Variants in NRK observed in about 807,000 individuals in gnomAD.
NRK encodes Nik related kinase, also known as nik-related protein kinase.
A neutral mutation model predicts 125.2 loss-of-function variants in NRK; 67 were observed. The ratio of observed to expected loss-of-function variants is 0.54; its 90% CI spans 0.44 to 0.66. NRK has a LOEUF of 0.66. Among genes scored for constraint, NRK ranks in the 30% least tolerant of loss-of-function variants. NRK has a pLI of 0.00. For missense variants in NRK, 1,224 were observed against 1,192.9 expected (o/e 1.03, Z -0.38); for synonymous variants, 458 against 429.0 (o/e 1.07, Z -0.84).
intron 1 of NRK, among the ~76,000 whole-genome samples, chrX:105,829,853 T>C (rs2039162779): frequency 9.0e-6 from 1 of 111,469 alleles, no homozygotes; most frequent in Non-Finnish European, 1.9e-5. Flanking sequence ...TTATTCATAT[T>C]TAGTGATGGT....
intron 17 of NRK, 69 bp downstream of exon 17, chrX:105,922,130 C>CTCATATTCA (rs1276424922): frequency 8.1e-6 from 4 of 495,178 alleles, no homozygotes; most frequent in Non-Finnish European, 1.4e-5. Context: ...CTTACACATT[C>CTCATATTCA]TCATATTCAC....
In NRK at chrX:105,913,272, T is replaced by C. The variant is rs1398189818; in HGVS notation, c.2349+517T>C. On this transcript the variant is annotated intron_variant, in intron 14 of 28. Coordinates refer to ENST00000243300, the MANE Select transcript of NRK (RefSeq NM_198465.4). ...GAATAATGTACCAAAACTAGAGAAG[T>C]GGAATCTAAAACCATATCAATGAAA... Among the ~76,000 whole-genome samples, 3 of 112,099 alleles carry C rather than the reference T, an allele frequency of 2.7e-5. 1 individual carries two copies. The highest frequency in any genetic ancestry group is 9.7e-5 in the African/African-American group (3 of 31,015).
intron 1 of NRK, among the ~76,000 whole-genome samples, chrX:105,830,314 C>CAAAAAAAAA (rs71932033): frequency 2.7e-4 from 3 of 11,051 alleles, no homozygotes; most frequent in African/African-American, 9.4e-4. Flanking sequence ...AACTCCGTCG[C>CAAAAAAAAA]AAAAAAAAAA....
At chrX:105,911,744 G>A (rs1239699454) in intron 13 of NRK, among the ~76,000 whole-genome samples, 2 of 111,468 alleles carry the variant, frequency 1.8e-5, no homozygotes, top group Non-Finnish European at 1.9e-5. Context: ...GATTATTCTC[G>A]ATGAACCCTA....
intron 2 of NRK, among the ~76,000 whole-genome samples, chrX:105,862,105 T>C (rs868724346): frequency 9.2e-6 from 1 of 108,567 alleles, no homozygotes; most frequent in Non-Finnish European, 1.9e-5. Context: ...ATCTATCTAT[T>C]TATCTATATC....
At chrX:105,952,912 A>C (rs2040918770) in intron 27 of NRK, 122 bp from the exon 28 acceptor site, 5 of 552,731 alleles carry the variant, frequency 9.0e-6, no homozygotes, top group Non-Finnish European at 1.0e-5. Flanking sequence ...GAAAAACAGG[A>C]TGTGCTAACC....
Position 105,908,796 on chromosome X carries a change from G to T in NRK, c.1155G>T (p.Leu385=), listed in dbSNP as rs1350281214. ...TSSRCRPLRV[L]HGEPSQPRWL... is the part of the protein sequence containing the mutation. ...GCAGATGCAGACCACTTAGAGTCCT[G>T]CATGGGGAACCCTCTCAGCCAAGGT... The change falls in exon 13 of 29, where the codon CTG becomes CTT. Residue 385 remains leucine (L), a synonymous_variant. Transcript: ENST00000243300. The T allele has an allele frequency of 1.7e-6, 2 of 1,209,332 alleles. No homozygotes were observed. Among genetic ancestry groups the T allele is most frequent in the African/African-American group, 3.5e-5 (2 of 57,151 alleles).
intron 9 of NRK, among the ~76,000 whole-genome samples, chrX:105,903,653 A>G (rs1688610157): frequency 9.0e-6 from 1 of 111,539 alleles, no homozygotes; most frequent in Admixed American, 9.6e-5. Flanking sequence ...ATAGGAAACC[A>G]TAAACAGCTA....
At chrX:105,948,737 C>T in intron 26 of NRK, 1 of 495,027 alleles carries the variant, frequency 2.0e-6, no homozygotes, top group Non-Finnish European at 3.6e-6. Flanking sequence ...CCTCAAGCAC[C>T]TGGCCTGAGT....
At chrX:105,951,302 A>G (rs1302320458) in intron 27 of NRK, among the ~76,000 whole-genome samples, 1 of 111,458 alleles carries the variant, frequency 9.0e-6, no homozygotes, top group Non-Finnish European at 1.9e-5. Context: ...GTAGACAATC[A>G]TAAGGGTCAA....
At chrX:105,878,289 T>C (rs1486437290) in intron 2 of NRK, among the ~76,000 whole-genome samples, 2 of 110,987 alleles carry the variant, frequency 1.8e-5, no homozygotes, top group African/African-American at 6.5e-5. Context: ...TCAATAATTT[T>C]TATAAACTCG....
intron 7 of NRK, 45 bp downstream of exon 7, chrX:105,895,568 GAGAA>G: frequency 9.7e-6 from 8 of 821,040 alleles, no homozygotes; most frequent in Non-Finnish European, 1.5e-5. Flanking sequence ...CATCTTAATG[GAGAA>G]AGCTCCTTTA....
intron 2 of NRK, among the ~76,000 whole-genome samples, chrX:105,876,313 C>T (rs932639377): frequency 9.0e-6 from 1 of 111,096 alleles, no homozygotes; most frequent in South Asian, 3.7e-4. Flanking sequence ...CAGTGTAATG[C>T]ATATGTTAAT....
intron 19 of NRK, 51 bp from the exon 20 acceptor site, chrX:105,934,207 C>T: frequency 2.5e-6 from 2 of 792,159 alleles, no homozygotes; most frequent in Non-Finnish European, 3.6e-6. Flanking sequence ...CATATTTCTC[C>T]CACTGTTAAC....
intron 2 of NRK, among the ~76,000 whole-genome samples, chrX:105,837,267 TTA>T (rs1315014452): frequency 9.0e-6 from 1 of 111,583 alleles, no homozygotes; most frequent in Non-Finnish European, 1.9e-5. Flanking sequence ...ATTTAACATA[TTA>T]TATATATGTG....
At chrX:105,875,323 G>T (rs944015950) in intron 2 of NRK, among the ~76,000 whole-genome samples, 9 of 111,139 alleles carry the variant, frequency 8.1e-5, no homozygotes, top group Non-Finnish European at 1.5e-4. Context: ...CCAGAAACCT[G>T]CTTCTTTCAA....
chrX:105,890,036 G>T (rs1471137942), intron 5 of NRK, among the ~76,000 whole-genome samples: 1 of 111,702 alleles, frequency 9.0e-6, no homozygotes, highest in African/African-American at 3.3e-5. Context: ...GCATAATCAG[G>T]CTGCAAATTT....
rs1348363482 is a variant in NRK, at chrX:105,947,271, G to A, written c.4353+807G>A. Among the ~76,000 whole-genome samples the A allele has an allele frequency of 5.2e-5, 3 of 57,450 alleles. 1 individual carries two copies. Among genetic ancestry groups the A allele is most frequent in the Non-Finnish European group, 8.7e-5 (3 of 34,522 alleles). 49.9% of individuals were successfully genotyped at this position (57,450 alleles called of 115,157 possible). On this transcript the variant is annotated intron_variant, in intron 26 of 28. Transcript: ENST00000243300. ...ATCCCGGCTAAAACGGTGAAACCCC[G>A]TCTCTACTAAAAATACAAAAAATTA...
chrX:105,948,593 T>C (rs2040849318), intron 26 of NRK: 2 of 466,950 alleles, frequency 4.3e-6, no homozygotes, highest in East Asian at 7.6e-5. Context: ...TTTCCTGCAA[T>C]TTCTTTTACT....
Sources: allele counts gnomAD v4.1 joint callset (sites outside exome capture counted in the v4.1 genomes callset), GRCh38; gene constraint gnomAD v4.1.1; transcripts MANE v1.5; gene names NCBI Gene and HGNC (gene_info 2026-07-23, HGNC 2026-07-21).